LHX6: variants seen among roughly 807,000 people sequenced by gnomAD.
LHX6 encodes LIM homeobox 6, also known as LIM/homeobox protein Lhx6.
A neutral mutation model predicts 47.1 loss-of-function variants in LHX6; 15 were observed. That is an observed-to-expected ratio of 0.32 (90% CI 0.21 to 0.49). The LOEUF (loss-of-function observed/expected upper bound fraction) is 0.49, where lower values mean the gene tolerates loss of function less well. Ranked by LOEUF, LHX6 falls within the 20% of genes least tolerant of loss-of-function variation. LHX6 has a pLI of 0.99. For synonymous variants in LHX6, 242 were observed against 233.5 expected, an observed-to-expected ratio of 1.04 and a Z score of -0.33; for missense variants, 404 against 539.6, an observed-to-expected ratio of 0.75 and a Z score of 2.49.
intron 1 of LHX6, chr9:122,228,120 G>GGCCCGGCTGGGTC: frequency 5.4e-6 from 2 of 371,634 alleles, no homozygotes; most frequent in South Asian, 2.1e-5. Flanking sequence ...CCGCCCGCCC[G>GGCCCGGCTGGGTC]CCTGACACGC....
chr9:122,227,604 T>C, intron 1 of LHX6, 124 bp from the exon 2 acceptor site: 9 of 1,371,398 alleles, frequency 6.6e-6, no homozygotes, highest in Non-Finnish European at 8.4e-6. Flanking sequence ...CCTAACTTTG[T>C]AGTGGGCATT....
intron 1 of LHX6, chr9:122,228,088 C>T (rs1390058175): frequency 1.7e-6 from 1 of 599,190 alleles, no homozygotes; most frequent in Non-Finnish European, 2.9e-6. Context: ...AAAAGAAAAC[C>T]CCGAGCGCGG....
At position 122,228,638 on chromosome 9, in the gene LHX6, C is replaced by T; in HGVS notation, c.84+19G>A. On this transcript the variant is annotated intron_variant, in intron 1 of 9. Coordinates refer to ENST00000394319, the MANE Select transcript of LHX6 (RefSeq NM_014368.5). ...CCGACCCCGGCCCGGGCCGCTCACC[C>T]AGTCGTTCGCCGGCTCACCTGGTCG... 7.7e-7 allele frequency: 1 copy of T among 1,305,254 alleles called. No homozygotes were observed. Among genetic ancestry groups the T allele is most frequent in the Non-Finnish European group, 9.7e-7 (1 of 1,029,858 alleles). 80.9% of individuals were successfully genotyped at this position (1,305,254 alleles called of 1,614,324 possible). A position where few individuals can be genotyped will look rare whatever the true frequency, so the allele number is the denominator to read the frequency against.
intron 8 of LHX6, among the ~76,000 whole-genome samples, chr9:122,209,998 C>A (rs150852203): frequency 7.9e-4 from 120 of 152,224 alleles, no homozygotes; most frequent in African/African-American, 2.7e-3. Flanking sequence ...GCCTCAGCCT[C>A]CCAAGTAGCT....
chr9:122,211,596 G>A (rs929676928), intron 8 of LHX6, among the ~76,000 whole-genome samples: 4 of 152,176 alleles, frequency 2.6e-5, no homozygotes, highest in Non-Finnish European at 5.9e-5. Context: ...AAACTGCTGT[G>A]GTGACTCTCA....
intron 8 of LHX6, among the ~76,000 whole-genome samples, chr9:122,210,073 A>G (rs10760212): frequency 0.78 from 119,209 of 151,884 alleles, 47,681 homozygotes; most frequent in Admixed American, 0.87. Flanking sequence ...ACGGGGTTTC[A>G]CCGTGTTAGC....
chr9:122,222,811 G>A (rs577811445), intron 4 of LHX6, among the ~76,000 whole-genome samples: 1 of 152,302 alleles, frequency 6.6e-6, no homozygotes, highest in East Asian at 1.9e-4. Flanking sequence ...GAGGTTAGAG[G>A]ACCATGGGAT....
intron 1 of LHX6, 89 bp from the exon 2 acceptor site, chr9:122,227,569 T>C (rs1007579277): frequency 4.8e-5 from 69 of 1,426,212 alleles, no homozygotes; most frequent in African/African-American, 6.0e-5. Flanking sequence ...GCGCCTGTTA[T>C]ATAAACCGGC....
At chr9:122,228,531 ACACT>A (rs1330691988) in intron 1 of LHX6, 122 bp downstream of exon 1, 26 of 1,261,004 alleles carry the variant, frequency 2.1e-5, no homozygotes, top group Non-Finnish European at 2.6e-5. Flanking sequence ...TCACAAGCAC[ACACT>A]CACAGGCGCA....
intron 4 of LHX6, among the ~76,000 whole-genome samples, chr9:122,224,830 C>A (rs748236946): frequency 6.6e-6 from 1 of 152,184 alleles, no homozygotes; most frequent in Non-Finnish European, 1.5e-5. Context: ...CTACATACCC[C>A]CAACCCTGCC....
rs970293348 is a variant in LHX6, at chr9:122,203,220, T to C, written c.*1540A>G. The C allele has an allele frequency of 6.6e-6, 1 of 152,658 alleles. No individual in the cohort carries two copies. Among genetic ancestry groups the C allele is most frequent in the Non-Finnish European group, 1.5e-5 (1 of 68,056 alleles). The allele number at this position is 152,658 out of a possible 1,614,324, so 9.5% of individuals were successfully genotyped here. ...TAGATCCCAGAGCAAGAATGACCTA[T>C]AGGCTTTCATGTTAAGTGCCAACGT... On this transcript the variant is annotated 3_prime_UTR_variant, in exon 10 of 10. Coordinates refer to ENST00000394319, the MANE Select transcript of LHX6 (RefSeq NM_014368.5).
intron 4 of LHX6, among the ~76,000 whole-genome samples, chr9:122,222,087 G>A (rs749186644): frequency 1.3e-5 from 2 of 152,200 alleles, no homozygotes; most frequent in East Asian, 3.9e-4. Context: ...AACTCCATAC[G>A]TTATGATGAC....
chr9:122,227,319 G>T, intron 2 of LHX6, 90 bp downstream of exon 2: 1 of 1,260,554 alleles, frequency 7.9e-7, no homozygotes, highest in Non-Finnish European at 1.1e-6. Context: ...CAGAGCGTGA[G>T]CAGCAGTTCG....
Position 122,226,807 on chromosome 9 carries a change from A to C in LHX6, c.339+41T>G. The C allele has an allele frequency of 1.3e-6, 2 of 1,542,680 alleles. No homozygotes were observed. Among genetic ancestry groups the C allele is most frequent in the South Asian group, 1.2e-5 (1 of 83,224 alleles). ...CCTGCAGTCTCCTGCGCTGCGTCCC[A>C]CGCCCCGACAACACGCACGCAACAC... On this transcript the variant is annotated intron_variant, in intron 3 of 9. Coordinates refer to ENST00000394319, the MANE Select transcript of LHX6 (RefSeq NM_014368.5). The surrounding 1 kb of genome is among the most constrained non-coding windows in gnomAD (Gnocchi z 6.5).
Position 122,214,227 on chromosome 9 carries a change from C to CCCCG in LHX6, c.783+52_783+55dup, listed in dbSNP as rs555979166. 1,254 of 1,393,766 alleles carry CCCCG rather than the reference C, an allele frequency of 9.0e-4. 10 individuals carry two copies. The African/African-American group carries it at 0.016, about 18-fold the overall frequency. 86.3% of individuals were successfully genotyped at this position (1,393,766 alleles called of 1,614,324 possible). ...GGGCGGAGCCAGGAGACATTGTCGGCCCCGCCCACTTTCGGCCCGGCCCCC... is the reference window on the plus strand; with the variant it reads ...GGGCGGAGCCAGGAGACATTGTCGGCCCCGCCCGCCCACTTTCGGCCCGGCCCCC... On this transcript the variant is annotated intron_variant, in intron 6 of 9. Transcript: ENST00000394319. This position sits in a 1 kb window ranked among gnomAD's most constrained non-coding sequence, Gnocchi z 4.6.
chr9:122,224,013 A>G (rs1373591858), intron 4 of LHX6, among the ~76,000 whole-genome samples: 1 of 151,960 alleles, frequency 6.6e-6, no homozygotes, highest in Non-Finnish European at 1.5e-5. Flanking sequence ...ATCATCTGGC[A>G]TGTTTTTTTG....
At position 122,204,670 on chromosome 9, in the gene LHX6, G is replaced by A; in HGVS notation, c.*90C>T. ...GACGGGGGTGGATGCGGAGGTGGGT[G>A]GACTCCTGGCCGCAGCTTGGACACT... On this transcript the variant is annotated 3_prime_UTR_variant, in exon 10 of 10. Coordinates refer to ENST00000394319, the MANE Select transcript of LHX6 (RefSeq NM_014368.5). 3 of 1,509,900 alleles carry A rather than the reference G, an allele frequency of 2.0e-6. No homozygotes were observed. Among genetic ancestry groups the A allele is most frequent in the South Asian group, 1.2e-5 (1 of 81,100 alleles). 93.5% of individuals were successfully genotyped at this position (1,509,900 alleles called of 1,614,324 possible).
At position 122,226,358 on chromosome 9, in the gene LHX6, T is replaced by C. The variant is rs1185381733; in HGVS notation, c.461+18A>G. On this transcript the variant is annotated intron_variant, in intron 4 of 9. Coordinates refer to ENST00000394319, the MANE Select transcript of LHX6 (RefSeq NM_014368.5). The surrounding 1 kb of genome is among the most constrained non-coding windows in gnomAD (Gnocchi z 6.5). ...GCCTGCCCTCGGCGACACTGCTGGC[T>C]CGGCGGCCGCAGCCTACCTGAAGTA... The C allele has an allele frequency of 6.2e-7, 1 of 1,604,892 alleles. No individual in the cohort carries two copies. Among genetic ancestry groups the C allele is most frequent in the African/African-American group, 1.3e-5 (1 of 74,788 alleles).
chr9:122,227,499 G>GTGGCA lies in LHX6; in HGVS notation c.85-20_85-19insTGCCA. On this transcript the variant is annotated intron_variant, in intron 1 of 9. Coordinates refer to ENST00000394319, the MANE Select transcript of LHX6 (RefSeq NM_014368.5). ...CCATCACCTGGGGGAGGGGGGGAGG[G>GTGGCA]AACGCAGGCGGCGGCGGCTGCTGAA... 1 of 656,318 alleles carries GTGGCA rather than the reference G, an allele frequency of 1.5e-6. No individual in the cohort carries two copies. The highest frequency in any genetic ancestry group is 2.5e-6 in the Non-Finnish European group (1 of 401,622). The allele number at this position is 656,318 out of a possible 1,614,324, so 40.7% of individuals were successfully genotyped here.
Sources: gnomAD v4.1 joint callset for allele counts (sites outside exome capture counted in the v4.1 genomes callset) on GRCh38, gnomAD v4.1.1 for gene constraint, Gnocchi (gnomAD v3.1) non-coding constraint, MANE v1.5 for transcripts, NCBI Gene and HGNC (gene_info 2026-07-23, HGNC 2026-07-21) for gene names.